The following RBM24 variants were observed in gnomAD, a reference collection of about 807,000 sequenced individuals.
The protein encoded by RBM24 is RNA-binding protein 24.
RBM24 carries 5 observed loss-of-function variants against 23.6 expected under a neutral mutation model. That is an observed-to-expected ratio of 0.21 (90% CI 0.11 to 0.45). The LOEUF (loss-of-function observed/expected upper bound fraction) is 0.45, where lower values mean the gene tolerates loss of function less well. RBM24 is among the 20% of genes least tolerant of loss of function. The pLI, the probability that RBM24 is intolerant of heterozygous loss-of-function variation, is 0.99. For missense variants in RBM24, 252 were observed against 314.6 expected (o/e 0.80, Z 1.51); for synonymous variants, 151 against 129.5 (o/e 1.17, Z -1.13).
intron 3 of RBM24, chr6:17,285,108 T>C (rs1194262110): frequency 6.4e-6 from 1 of 156,466 alleles, no homozygotes; most frequent in Non-Finnish European, 1.4e-5. Context: ...AGAGGTGGAA[T>C]AGTTCTGTTT....
intron 3 of RBM24, chr6:17,289,096 C>T: frequency 1.0e-6 from 1 of 985,418 alleles, no homozygotes; most frequent in African/African-American, 1.7e-5. Flanking sequence ...AAAGTGTCTT[C>T]TTTGCACTTG....
In RBM24 at chr6:17,289,755, C is replaced by T. The variant is rs777694779; in HGVS notation, c.348-2001C>T. ...ATAAAGACATTTTACCCGCTGGAAACCCTTGTCGCATGACAGGATCAAAAA... is the reference window on the plus strand; with the variant it reads ...ATAAAGACATTTTACCCGCTGGAAATCCTTGTCGCATGACAGGATCAAAAA... On this transcript the variant is annotated intron_variant, in intron 3 of 3. Coordinates refer to ENST00000379052, the MANE Select transcript of RBM24 (RefSeq NM_001143942.2). 11 of 1,061,174 alleles carry T rather than the reference C, an allele frequency of 1.0e-5. No homozygotes were observed. The African/African-American group carries it at 1.2e-4, about 11-fold the overall frequency. The allele number at this position is 1,061,174 out of a possible 1,614,324, so 65.7% of individuals were successfully genotyped here. A position where few individuals can be genotyped will look rare whatever the true frequency, so the allele number is the denominator to read the frequency against.
chr6:17,288,321 A>C (rs759095322), intron 3 of RBM24: 5 of 985,444 alleles, frequency 5.1e-6, no homozygotes, highest in Non-Finnish European at 6.0e-6. Flanking sequence ...AGAGACGAAC[A>C]TCAGGACAAT....
At chr6:17,287,472 C>T (rs1222732771) in intron 3 of RBM24, among the ~76,000 whole-genome samples, 1 of 152,028 alleles carries the variant, frequency 6.6e-6, no homozygotes, top group Non-Finnish European at 1.5e-5. Flanking sequence ...TTATTGAAAC[C>T]TTGGAAAGGG....
Position 17,292,137 on chromosome 6 carries a change from A to G in RBM24, c.*18A>G, listed in dbSNP as rs771312325. 16 of 1,476,540 alleles carry G rather than the reference A, an allele frequency of 1.1e-5. No individual in the cohort carries two copies. The South Asian group carries it at 2.0e-4, about 18-fold the overall frequency. 91.5% of individuals were successfully genotyped at this position (1,476,540 alleles called of 1,614,324 possible). ...TGCAATAGACCAGCCATCTGATCAAAGTTGAATTGTTTTCTCTTTCCCTCC... is the reference window on the plus strand; with the variant it reads ...TGCAATAGACCAGCCATCTGATCAAGGTTGAATTGTTTTCTCTTTCCCTCC... On this transcript the variant is annotated 3_prime_UTR_variant, in exon 4 of 4. Transcript: ENST00000379052.
intron 3 of RBM24, among the ~76,000 whole-genome samples, chr6:17,286,436 A>ATAT (rs1760200817): frequency 6.6e-6 from 1 of 152,164 alleles, no homozygotes; most frequent in Admixed American, 6.5e-5. Flanking sequence ...GCTCACACTA[A>ATAT]TAATCTTGAA....
intron 2 of RBM24, chr6:17,283,163 AG>A: frequency 2.0e-6 from 1 of 499,058 alleles, no homozygotes; most frequent in Non-Finnish European, 3.6e-6. Context: ...CAGGAAGAAG[AG>A]TTAGTCATGT....
In RBM24 at chr6:17,281,502, C is replaced by G. The variant is rs1760011263; in HGVS notation, c.-80C>G. 1 of 1,324,492 alleles carries G rather than the reference C, an allele frequency of 7.6e-7. No individual in the cohort carries two copies. The highest frequency in any genetic ancestry group is 9.8e-7 in the Non-Finnish European group (1 of 1,023,278). 82.0% of individuals were successfully genotyped at this position (1,324,492 alleles called of 1,614,324 possible). A position where few individuals can be genotyped will look rare whatever the true frequency, so the allele number is the denominator to read the frequency against. ...GGCGGCCGCGAAAGGGTGCGGGAGA[C>G]GCGGAGCCGGAGGAGGAGGCGCAGC... On this transcript the variant is annotated 5_prime_UTR_variant, in exon 1 of 4. Transcript: ENST00000379052. The surrounding 1 kb of genome is among the most constrained non-coding windows in gnomAD (Gnocchi z 7.1).
intron 3 of RBM24, chr6:17,288,579 TA>T: frequency 2.0e-6 from 2 of 985,402 alleles, no homozygotes; most frequent in Non-Finnish European, 2.4e-6. Context: ...GACTAAACGA[TA>T]AAGCAAATTT....
intron 1 of RBM24, 170 bp from the exon 2 acceptor site, chr6:17,282,635 C>CCCCCCTT: frequency 3.3e-6 from 1 of 304,946 alleles, no homozygotes; most frequent in Admixed American, 5.2e-5. Flanking sequence ...CCCCGCCCGC[C>CCCCCCTT]TGTTAAAAAT....
chr6:17,282,451 C>T (rs1760053073), intron 1 of RBM24: 1 of 486,364 alleles, frequency 2.1e-6, no homozygotes, highest in Non-Finnish European at 3.9e-6. Flanking sequence ...TGAGTAGGGA[C>T]CTGGGGGGCG....
intron 2 of RBM24, 58 bp downstream of exon 2, chr6:17,282,986 G>C (rs915698991): frequency 8.2e-7 from 1 of 1,223,972 alleles, no homozygotes; most frequent in Non-Finnish European, 1.2e-6. Flanking sequence ...TTATGGGTGG[G>C]ATGATTCTCT....
chr6:17,288,773 G>A (rs1018197004), intron 3 of RBM24: 4 of 984,456 alleles, frequency 4.1e-6, no homozygotes, highest in Non-Finnish European at 4.8e-6. Context: ...CTGGGTTTGA[G>A]GAAAGGTGGA....
chr6:17,291,120 TC>T (rs1159501368), intron 3 of RBM24, among the ~76,000 whole-genome samples: 1 of 152,234 alleles, frequency 6.6e-6, no homozygotes, highest in Non-Finnish European at 1.5e-5. Flanking sequence ...AACTCCTTTT[TC>T]TTATTTTGTC....
rs984703045 is a variant in RBM24 at position 17,282,329 on chromosome 6, G to A, written c.169-476G>A. The A allele has an allele frequency of 1.4e-5, 15 of 1,082,096 alleles. No individual in the cohort carries two copies. The Admixed American group carries it at 3.5e-4, about 25-fold the overall frequency. 67.0% of individuals were successfully genotyped at this position (1,082,096 alleles called of 1,614,324 possible). Reference sequence around the variant, plus strand: ...TGCAAATTCAGCTGCCGAAGAGCAGGGAGCCCCAGAGTAGGACAATAGCTA... The same window carrying A: ...TGCAAATTCAGCTGCCGAAGAGCAGAGAGCCCCAGAGTAGGACAATAGCTA... On this transcript the variant is annotated intron_variant, in intron 1 of 3. Transcript: ENST00000379052.
chr6:17,289,881 G>A, intron 3 of RBM24: 3 of 1,231,942 alleles, frequency 2.4e-6, no homozygotes, highest in African/African-American at 3.1e-5. Flanking sequence ...GCAGCCTCCA[G>A]GGACAGTGTT....
At chr6:17,289,342 T>C (rs1289037416) in intron 3 of RBM24, 26 of 985,330 alleles carry the variant, frequency 2.6e-5, no homozygotes, top group Non-Finnish European at 2.8e-5. Context: ...CTTTTCCCTC[T>C]AAGCCTTAAA....
Position 17,283,480 on chromosome 6 carries a change from C to T in RBM24, c.292+552C>T, listed in dbSNP as rs543526369. ...TTGCCCAGGCTGGAGTGCAATGACG[C>T]GATCTAGGCTCACTGCAACCTCCGC... On this transcript the variant is annotated intron_variant, in intron 2 of 3. Coordinates refer to ENST00000379052, the MANE Select transcript of RBM24 (RefSeq NM_001143942.2). Among the ~76,000 whole-genome samples the T allele has an allele frequency of 7.9e-5, 12 of 152,166 alleles. 1 individual carries two copies. The highest frequency in any genetic ancestry group is 7.2e-4 in the Admixed American group (11 of 15,276).
chr6:17,288,496 T>A (rs1039078704), intron 3 of RBM24: 2 of 983,994 alleles, frequency 2.0e-6, no homozygotes, highest in Middle Eastern at 5.2e-4. Flanking sequence ...GTTGTGAGAT[T>A]ATTAGTCCAT....
Sources: gnomAD v4.1 joint callset for allele counts (sites outside exome capture counted in the v4.1 genomes callset) on GRCh38, gnomAD v4.1.1 for gene constraint, Gnocchi (gnomAD v3.1) non-coding constraint, MANE v1.5 for transcripts, NCBI Gene and HGNC (gene_info 2026-07-23, HGNC 2026-07-21) for gene names.